Variants in SIPA1L1 observed in about 807,000 individuals in gnomAD.
The protein encoded by SIPA1L1 is signal induced proliferation associated 1 like 1.
A neutral mutation model predicts 162.7 loss-of-function variants in SIPA1L1; 26 were observed. That is an observed-to-expected ratio of 0.16 (90% CI 0.12 to 0.22). The LOEUF (loss-of-function observed/expected upper bound fraction) is 0.22, where lower values mean the gene tolerates loss of function less well. Among genes scored for constraint, SIPA1L1 ranks in the 10% least tolerant of loss-of-function variants. The probability of loss-of-function intolerance (pLI) is 1.00; values close to 1 mark genes in which losing one functional copy is unlikely to be tolerated. For missense variants in SIPA1L1, 1,874 were observed against 2,241.0 expected (o/e 0.84, Z 3.31); for synonymous variants, 829 against 837.4 (o/e 0.99, Z 0.17).
At chr14:71,518,641 C>T (rs925936847) in intron 3 of SIPA1L1, among the ~76,000 whole-genome samples, 2 of 151,794 alleles carry the variant, frequency 1.3e-5, no homozygotes, top group African/African-American at 2.4e-5. Flanking sequence ...TGGAATTTGT[C>T]GAGTTTTTAA....
At chr14:71,361,618 C>T (rs2037823545) in intron 2 of SIPA1L1, among the ~76,000 whole-genome samples, 1 of 152,092 alleles carries the variant, frequency 6.6e-6, no homozygotes, top group Admixed American at 6.5e-5. Flanking sequence ...CCTTTTTCTA[C>T]TACGTGGGGT....
chr14:71,735,744 A>G (rs1435746559), intron 22 of SIPA1L1, among the ~76,000 whole-genome samples: 1 of 152,080 alleles, frequency 6.6e-6, no homozygotes, highest in Non-Finnish European at 1.5e-5. Flanking sequence ...TCTCTTTCGC[A>G]GTGTTGCTGA....
At chr14:71,480,768 A>G (rs994077590) in intron 2 of SIPA1L1, among the ~76,000 whole-genome samples, 5 of 152,176 alleles carry the variant, frequency 3.3e-5, no homozygotes, top group Admixed American at 2.6e-4. Context: ...TTTCCAAAAC[A>G]AAAAACAAAC....
chr14:71,511,786 C>CT (rs1368292378), intron 2 of SIPA1L1, among the ~76,000 whole-genome samples: 1 of 152,166 alleles, frequency 6.6e-6, no homozygotes, highest in African/African-American at 2.4e-5. Flanking sequence ...AGGTTTGGAA[C>CT]TTTCCATCCC....
intron 5 of SIPA1L1, among the ~76,000 whole-genome samples, chr14:71,606,957 A>G (rs1023589953): frequency 2.0e-5 from 3 of 151,988 alleles, no homozygotes; most frequent in African/African-American, 7.3e-5. Flanking sequence ...ACCTTCATAT[A>G]CAGTCATATA....
chr14:71,486,104 C>T (rs746709488), intron 2 of SIPA1L1, among the ~76,000 whole-genome samples: 16 of 152,242 alleles, frequency 1.1e-4, no homozygotes, highest in Middle Eastern at 3.4e-3. Context: ...TACGGATGTG[C>T]GATTTAGACA....
chr14:71,623,777 A>G (rs1026853777), intron 6 of SIPA1L1, among the ~76,000 whole-genome samples: 1 of 152,204 alleles, frequency 6.6e-6, no homozygotes, highest in Admixed American at 6.5e-5. Context: ...CTTTAAGGAA[A>G]TGTTATTTTT....
intron 2 of SIPA1L1, among the ~76,000 whole-genome samples, chr14:71,472,427 A>G (rs1035994350): frequency 2.0e-5 from 3 of 151,840 alleles, no homozygotes; most frequent in Admixed American, 6.6e-5. Flanking sequence ...GGTCATGATG[A>G]CTATAAAAGA....
chr14:71,690,561 C>T (rs2081183797), intron 13 of SIPA1L1, among the ~76,000 whole-genome samples: 2 of 152,254 alleles, frequency 1.3e-5, no homozygotes, highest in Admixed American at 6.5e-5. Context: ...TTCTACATTT[C>T]TAAAGCTTCT....
chr14:71,544,230 T>C (rs940841120), intron 4 of SIPA1L1, among the ~76,000 whole-genome samples: 2 of 149,862 alleles, frequency 1.3e-5, no homozygotes, highest in Admixed American at 6.7e-5. Flanking sequence ...TATACATATA[T>C]CATGTATGTA....
chr14:71,642,226 C>T (rs567491649), intron 7 of SIPA1L1, among the ~76,000 whole-genome samples: 9 of 152,272 alleles, frequency 5.9e-5, no homozygotes, highest in East Asian at 3.9e-4. Flanking sequence ...CCTAAGATTG[C>T]ACCAGCTTTC....
intron 5 of SIPA1L1, among the ~76,000 whole-genome samples, chr14:71,595,794 C>T (rs763386125): frequency 6.6e-6 from 1 of 152,144 alleles, no homozygotes; most frequent in Non-Finnish European, 1.5e-5. Flanking sequence ...ATTAAAGCTT[C>T]TTTGATGCCT....
intron 5 of SIPA1L1, among the ~76,000 whole-genome samples, chr14:71,611,296 T>G (rs777011737): frequency 6.6e-6 from 1 of 152,220 alleles, no homozygotes; most frequent in Non-Finnish European, 1.5e-5. Context: ...CCTCTCTTTC[T>G]TAGTCATTAG....
At chr14:71,609,540 C>G (rs553553255) in intron 5 of SIPA1L1, among the ~76,000 whole-genome samples, 106 of 151,962 alleles carry the variant, frequency 7.0e-4, no homozygotes, top group African/African-American at 2.4e-3. Context: ...GATCTCAGCT[C>G]ACTGCCACCT....
In SIPA1L1 at chr14:71,638,825, AC is replaced by A. The variant is rs1231160756; in HGVS notation, c.1819-11509del. Among the ~76,000 whole-genome samples, 6 of 152,364 alleles carry A rather than the reference AC, an allele frequency of 3.9e-5. No individual in the cohort carries two copies. The South Asian group carries it at 6.2e-4, about 16-fold the overall frequency. The stretch of plus-strand genomic sequence containing the variant: ...AGCTTGTATGATTCAACATCAACTT[AC>A]AAAAATCAGTTAGATTTCTTTCAGT... On this transcript the variant is annotated intron_variant, in intron 7 of 23. Coordinates refer to ENST00000381232, the MANE Select transcript of SIPA1L1 (RefSeq NM_001386936.1).
intron 2 of SIPA1L1, among the ~76,000 whole-genome samples, chr14:71,322,791 A>G (rs990221694): frequency 6.6e-6 from 1 of 152,196 alleles, no homozygotes; most frequent in African/African-American, 2.4e-5. Context: ...TGATTTTTCT[A>G]GTTGACTGAG....
At chr14:71,321,518 C>G (rs1235357381) in intron 2 of SIPA1L1, 1 of 152,362 alleles carries the variant, frequency 6.6e-6, no homozygotes, top group Non-Finnish European at 1.5e-5. Context: ...GACCCTTCCC[C>G]TCCAGTCACC....
At chr14:71,424,513 T>C (rs1439537812) in intron 2 of SIPA1L1, among the ~76,000 whole-genome samples, 5 of 152,264 alleles carry the variant, frequency 3.3e-5, no homozygotes, top group South Asian at 4.1e-4. Context: ...CAGATGCTTT[T>C]TCTGCATCAA....
intron 7 of SIPA1L1, among the ~76,000 whole-genome samples, chr14:71,633,929 G>C (rs2040852246): frequency 6.6e-6 from 1 of 151,976 alleles, no homozygotes; most frequent in African/African-American, 2.4e-5. Flanking sequence ...TATTTGGTAA[G>C]AAGTTTCCCA....
Sources: gnomAD v4.1 joint callset for allele counts (sites outside exome capture counted in the v4.1 genomes callset) on GRCh38, gnomAD v4.1.1 for gene constraint, MANE v1.5 for transcripts, NCBI Gene and HGNC (gene_info 2026-07-23, HGNC 2026-07-21) for gene names.